The following STRN3 variants were observed in gnomAD, a reference collection of about 807,000 sequenced individuals.
STRN3 encodes striatin 3, also known as striatin-3.
STRN3 carries 29 observed loss-of-function variants against 95.6 expected under a neutral mutation model. The ratio of observed to expected loss-of-function variants is 0.30; its 90% CI spans 0.23 to 0.41. The LOEUF (loss-of-function observed/expected upper bound fraction) is 0.41. STRN3 is among the 10% of genes least tolerant of loss of function. The pLI is 1.00. For synonymous variants in STRN3, 331 were observed against 357.6 expected (o/e 0.93, Z 0.84); for missense variants, 890 against 972.1 (o/e 0.92, Z 1.12).
At chr14:30,966,070 C>A (rs1296243029) in intron 1 of STRN3, among the ~76,000 whole-genome samples, 2 of 152,180 alleles carry the variant, frequency 1.3e-5, no homozygotes, top group Non-Finnish European at 2.9e-5. Flanking sequence ...GCTACCTGCT[C>A]TGCCCTGACC....
intron 5 of STRN3, among the ~76,000 whole-genome samples, 153 bp downstream of exon 5, chr14:30,946,937 C>A (rs1441836236): frequency 1.3e-5 from 2 of 150,700 alleles, no homozygotes; most frequent in Non-Finnish European, 2.9e-5. Flanking sequence ...CGAGATCGTA[C>A]CATTGCACTC....
At chr14:30,914,694 T>G in intron 9 of STRN3, among the ~76,000 whole-genome samples, 1 of 88,750 alleles carries the variant, frequency 1.1e-5, no homozygotes, top group Non-Finnish European at 3.0e-5. Context: ...TTTATTTTAA[T>G]GTCCCATTCT....
intron 1 of STRN3, among the ~76,000 whole-genome samples, chr14:31,002,326 G>C (rs1882499763): frequency 6.6e-6 from 1 of 151,960 alleles, no homozygotes; most frequent in East Asian, 1.9e-4. Context: ...ACAAAAATTA[G>C]CTGGGTGTGA....
chr14:30,917,323 T>C (rs17097524), intron 9 of STRN3, among the ~76,000 whole-genome samples: 15,704 of 152,190 alleles, frequency 0.1, 887 homozygotes, highest in South Asian at 0.17. Flanking sequence ...CAAACACACA[T>C]AGAGAGTTCT....
chr14:30,903,698 C>A lies in STRN3; in HGVS notation c.2030-1055G>T, dbSNP rs183218348. Among the ~76,000 whole-genome samples, 155 of 152,218 alleles carry A rather than the reference C, an allele frequency of 1.0e-3. 4 individuals are homozygous for A. Among genetic ancestry groups the A allele is most frequent in the Admixed American group, 2.7e-3 (42 of 15,282 alleles). Reference sequence around the variant, plus strand: ...ACAGGCATGAGCCAATGCGCCCAGCCAACAGTTGTTTTTCTAAAAGAAATT... The same window carrying A: ...ACAGGCATGAGCCAATGCGCCCAGCAAACAGTTGTTTTTCTAAAAGAAATT... On this transcript the variant is annotated intron_variant, in intron 15 of 17. Coordinates refer to ENST00000357479, the MANE Select transcript of STRN3 (RefSeq NM_001083893.2).
Position 30,911,044 on chromosome 14 carries a change from A to T in STRN3, c.1717T>A (p.Tyr573Asn). 6.2e-7 allele frequency: 1 copy of T among 1,601,832 alleles called. No individual in the cohort carries two copies. The highest frequency in any genetic ancestry group is 8.5e-7 in the Non-Finnish European group (1 of 1,175,358). ...PSPSVDPYDT[Y>N]EPNVLAGTLV... Reference sequence around the variant, plus strand: ...ACATTTTGATCATTTTACTTACCATATGTATCATATGGATCTACACTGGGA... The same window carrying T: ...ACATTTTGATCATTTTACTTACCATTTGTATCATATGGATCTACACTGGGA... Residue 573 changes from tyrosine to asparagine, a missense_variant, in exon 13 of 18, where the codon TAT (tyrosine) becomes AAT (asparagine). Physicochemically the swap from Tyr to Asn is moderately radical, Grantham distance 143. Coordinates refer to ENST00000357479, the MANE Select transcript of STRN3 (RefSeq NM_001083893.2).
chr14:30,984,481 C>T (rs1881580495), intron 1 of STRN3, among the ~76,000 whole-genome samples: 1 of 151,884 alleles, frequency 6.6e-6, no homozygotes, highest in Non-Finnish European at 1.5e-5. Flanking sequence ...AAATTATTCA[C>T]ATTACTTAGT....
chr14:31,023,423 G>C (rs1292515296), intron 1 of STRN3, among the ~76,000 whole-genome samples: 1 of 152,092 alleles, frequency 6.6e-6, no homozygotes, highest in Non-Finnish European at 1.5e-5. Flanking sequence ...TTTTTACAGA[G>C]AACAGAATCA....
chr14:30,933,769 AAATAATGCTTGAGAATTAT>A (rs1878674793), intron 7 of STRN3, among the ~76,000 whole-genome samples: 1 of 152,220 alleles, frequency 6.6e-6, no homozygotes, highest in Non-Finnish European at 1.5e-5. Context: ...GAAGGTCTGA[AAATAATGCTTGAGAATTAT>A]AATAAGAAAA....
chr14:30,995,070 G>GA (rs1882135926), intron 1 of STRN3, among the ~76,000 whole-genome samples: 1 of 152,156 alleles, frequency 6.6e-6, no homozygotes, highest in Non-Finnish European at 1.5e-5. Flanking sequence ...GATCTCACTT[G>GA]AAAATACCGT....
intron 8 of STRN3, among the ~76,000 whole-genome samples, chr14:30,927,705 T>A (rs1594448623): frequency 6.6e-6 from 1 of 151,568 alleles, no homozygotes; most frequent in East Asian, 1.9e-4. Context: ...GCAGGCAGAT[T>A]ACGACAATGT....
At chr14:31,019,547 GC>G (rs903742028) in intron 1 of STRN3, among the ~76,000 whole-genome samples, 1 of 152,056 alleles carries the variant, frequency 6.6e-6, no homozygotes, top group African/African-American at 2.4e-5. Context: ...GTTAAGAGGG[GC>G]AATGGATGAA....
chr14:30,923,343 C>T (rs1165680873), intron 8 of STRN3, among the ~76,000 whole-genome samples: 1 of 152,050 alleles, frequency 6.6e-6, no homozygotes, highest in African/African-American at 2.4e-5. Context: ...TAGAAAATGA[C>T]TTGGGGGAGC....
intron 5 of STRN3, among the ~76,000 whole-genome samples, chr14:30,939,335 A>C (rs1449087089): frequency 6.6e-6 from 1 of 152,218 alleles, no homozygotes; most frequent in Non-Finnish European, 1.5e-5. Flanking sequence ...TCTCTAAAAA[A>C]CAAAACAAAA....
At chr14:31,000,599 C>T (rs1409451838) in intron 1 of STRN3, among the ~76,000 whole-genome samples, 1 of 150,344 alleles carries the variant, frequency 6.7e-6, no homozygotes, top group Non-Finnish European at 1.5e-5. Context: ...ATGAGAAAAA[C>T]AAAAAGGTAT....
chr14:30,949,846 G>C (rs887427637), intron 4 of STRN3, among the ~76,000 whole-genome samples: 3 of 152,136 alleles, frequency 2.0e-5, no homozygotes, highest in East Asian at 1.9e-4. Flanking sequence ...ATGGAAGCAG[G>C]GGGTGGCCAA....
intron 1 of STRN3, among the ~76,000 whole-genome samples, chr14:30,980,249 C>T (rs558215567): frequency 2.7e-4 from 41 of 151,418 alleles, no homozygotes; most frequent in African/African-American, 8.2e-4. Context: ...TGTATGGGGG[C>T]GGGGAGAATT....
intron 3 of STRN3, among the ~76,000 whole-genome samples, chr14:30,954,729 A>G (rs1879817220): frequency 6.6e-6 from 1 of 152,192 alleles, no homozygotes; most frequent in African/African-American, 2.4e-5. Context: ...AAAAAGACTT[A>G]TCTTGCTTTA....
At chr14:30,980,354 G>T (rs1353434343) in intron 1 of STRN3, among the ~76,000 whole-genome samples, 1 of 152,086 alleles carries the variant, frequency 6.6e-6, no homozygotes, top group Non-Finnish European at 1.5e-5. Flanking sequence ...GATTCTGCTG[G>T]TAGTGAACTA....
Sources: gnomAD v4.1 joint callset for allele counts (sites outside exome capture counted in the v4.1 genomes callset) on GRCh38, gnomAD v4.1.1 for gene constraint, MANE v1.5 for transcripts, NCBI Gene and HGNC (gene_info 2026-07-23, HGNC 2026-07-21) for gene names.